GPR89B: variants seen among roughly 807,000 people sequenced by gnomAD.
GPR89B encodes golgi pH regulator B, also known as G protein-coupled receptor 89B.
In GPR89B, 25 loss-of-function variants were observed where a neutral mutation model predicts 52.4. That is an observed-to-expected ratio of 0.48 (90% CI 0.35 to 0.67). The LOEUF is 0.67. Among genes scored for constraint, GPR89B ranks in the 30% least tolerant of loss-of-function variants. The pLI is 0.01. For synonymous variants in GPR89B, 52 were observed against 151.2 expected (o/e 0.34, Z 4.81); for missense variants, 146 against 450.2 (o/e 0.32, Z 6.11).
At chr1:147,938,853 TCTG>T (rs1553248445) in intron 3 of GPR89B, 36 bp downstream of exon 3, 1 of 1,502,566 alleles carries the variant, frequency 6.7e-7, no homozygotes, top group East Asian at 2.3e-5. Flanking sequence ...CTTGAAGAGT[TCTG>T]TGCTACATTC....
chr1:147,932,764 C>T (rs2149032589), intron 1 of GPR89B, among the ~76,000 whole-genome samples: 1 of 152,244 alleles, frequency 6.6e-6, no homozygotes, highest in South Asian at 2.1e-4. Context: ...CGGTTTAAAG[C>T]CATTCTACCT....
chr1:148,013,435 C>T, the GPR89B span, among the ~76,000 whole-genome samples: 5 of 152,162 alleles, frequency 3.3e-5, no homozygotes, highest in East Asian at 9.7e-4. Context: ...CAAGACCCTC[C>T]GAAGGAGCAT....
chr1:148,005,741 T>A, the GPR89B span, among the ~76,000 whole-genome samples: 1 of 152,084 alleles, frequency 6.6e-6, no homozygotes, highest in Non-Finnish European at 1.5e-5. Context: ...TTCGATTGTC[T>A]TGCTGGAGCA....
At chr1:148,009,433 T>C in the GPR89B span, 1 of 1,608,556 alleles carries the variant, frequency 6.2e-7, no homozygotes, top group Non-Finnish European at 8.5e-7. Context: ...ACACCTCCAT[T>C]CATCACAGGG....
chr1:147,948,896 A>G (rs1293165454), intron 5 of GPR89B, among the ~76,000 whole-genome samples: 1 of 151,736 alleles, frequency 6.6e-6, no homozygotes, highest in Non-Finnish European at 1.5e-5. Context: ...TCCTATGCAG[A>G]GGACCCTGCG....
chr1:147,950,890 C>G (rs1319284223), intron 5 of GPR89B, among the ~76,000 whole-genome samples: 3 of 152,174 alleles, frequency 2.0e-5, no homozygotes, highest in Admixed American at 6.5e-5. Context: ...GCAGTACAGT[C>G]CAGCTTCGGC....
At chr1:147,995,927 AG>A (rs1659305547), downstream of GPR89B, 2 of 1,408,420 alleles carry the variant, frequency 1.4e-6, no homozygotes, top group Admixed American at 1.7e-5. Flanking sequence ...CAAACAGAGA[AG>A]GGGACATCAG....
chr1:148,020,712 A>C, the GPR89B span, among the ~76,000 whole-genome samples: 1 of 151,970 alleles, frequency 6.6e-6, no homozygotes, highest in African/African-American at 2.4e-5. Context: ...TTTGAGACAG[A>C]GTCTCTGTCT....
the GPR89B span, among the ~76,000 whole-genome samples, chr1:148,017,193 C>T: frequency 6.6e-6 from 1 of 151,498 alleles, no homozygotes; most frequent in African/African-American, 2.4e-5. Flanking sequence ...AGGTGCGTGC[C>T]AGGACACCCA....
intron 10 of GPR89B, among the ~76,000 whole-genome samples, chr1:147,982,959 G>A (rs1309477383): frequency 3.3e-5 from 5 of 151,866 alleles, no homozygotes; most frequent in Non-Finnish European, 5.9e-5. Context: ...TCTGTTATTG[G>A]TGTATAAGAA....
chr1:148,002,663 C>CA, the GPR89B span, among the ~76,000 whole-genome samples: 1 of 152,084 alleles, frequency 6.6e-6, no homozygotes, highest in East Asian at 1.9e-4. Context: ...TTATACTGCT[C>CA]AAAAAACAAC....
At chr1:148,019,779 T>C in the GPR89B span, among the ~76,000 whole-genome samples, 511 of 152,090 alleles carry the variant, frequency 3.4e-3, 9 homozygotes, top group African/African-American at 0.011. Flanking sequence ...TAGAATCAAA[T>C]GGAACTGTTT....
intron 9 of GPR89B, 47 bp downstream of exon 9, chr1:147,969,010 A>G: frequency 1.4e-6 from 2 of 1,468,884 alleles, no homozygotes; most frequent in African/African-American, 2.9e-5. Flanking sequence ...ATATTATTAA[A>G]GAGAGAACAA....
chr1:147,985,897 G>A (rs1446643449), intron 10 of GPR89B, among the ~76,000 whole-genome samples: 1 of 152,148 alleles, frequency 6.6e-6, no homozygotes, highest in Non-Finnish European at 1.5e-5. Context: ...CTCTTAATCT[G>A]ACTTCATCTA....
At chr1:147,988,769 T>C (rs1193181902) in intron 12 of GPR89B, among the ~76,000 whole-genome samples, 2 of 151,142 alleles carry the variant, frequency 1.3e-5, no homozygotes, top group Admixed American at 1.3e-4. Context: ...GAGGCTGAGT[T>C]AGGAGAATCA....
chr1:148,009,610 A>C, the GPR89B span: 2 of 1,334,000 alleles, frequency 1.5e-6, no homozygotes, highest in Non-Finnish European at 2.1e-6. Flanking sequence ...GGAAGAAGAA[A>C]AAGGTAACTT....
intron 5 of GPR89B, among the ~76,000 whole-genome samples, chr1:147,946,872 G>A (rs1285142874): frequency 1.3e-5 from 2 of 152,148 alleles, no homozygotes; most frequent in Non-Finnish European, 2.9e-5. Context: ...AGGCATTACA[G>A]TTTTATGCCT....
At chr1:147,967,998 G>A (rs1439733264) in intron 8 of GPR89B, 2 of 322,934 alleles carry the variant, frequency 6.2e-6, no homozygotes, top group South Asian at 2.6e-5. Context: ...TTGGGTAATA[G>A]TGGGAAAAAT....
chr1:148,003,225 A>G, the GPR89B span, among the ~76,000 whole-genome samples: 1 of 152,214 alleles, frequency 6.6e-6, no homozygotes, highest in African/African-American at 2.4e-5. Flanking sequence ...AGCAGTTTAT[A>G]CGGCCTGAAC....
Sources: gnomAD v4.1 joint callset for allele counts (sites outside exome capture counted in the v4.1 genomes callset) on GRCh38, gnomAD v4.1.1 for gene constraint, MANE v1.5 for transcripts, NCBI Gene and HGNC (gene_info 2026-07-23, HGNC 2026-07-21) for gene names.